ELAPOR2: variants seen among roughly 807,000 people sequenced by gnomAD.
ELAPOR2 encodes the protein endosome-lysosome associated apoptosis and autophagy regulator family member 2.
ELAPOR2 carries 89 observed loss-of-function variants against 120.7 expected under a neutral mutation model. That is an observed-to-expected ratio of 0.74 (90% CI 0.62 to 0.88). The LOEUF (loss-of-function observed/expected upper bound fraction) is 0.88, where lower values mean the gene tolerates loss of function less well. Among genes scored for constraint, ELAPOR2 ranks in the 40% least tolerant of loss-of-function variants. ELAPOR2 has a pLI of 0.00. For synonymous variants in ELAPOR2, 444 were observed against 444.9 expected, an observed-to-expected ratio of 1.00 and a Z score of 0.03; for missense variants, 1,134 against 1,251.6, an observed-to-expected ratio of 0.91 and a Z score of 1.42.
chr7:86,944,058 T>G (rs974045560), intron 4 of ELAPOR2, among the ~76,000 whole-genome samples: 5 of 152,030 alleles, frequency 3.3e-5, no homozygotes, highest in Admixed American at 2.6e-4. Context: ...AAATTCCCAT[T>G]TCCAACAATA....
chr7:86,928,367 T>C (rs774348175), intron 8 of ELAPOR2, among the ~76,000 whole-genome samples: 1 of 152,000 alleles, frequency 6.6e-6, no homozygotes, highest in Non-Finnish European at 1.5e-5. Flanking sequence ...AAATTCTGGT[T>C]TAACAAGCAT....
chr7:86,889,587 T>C (rs1325630378), intron 21 of ELAPOR2, among the ~76,000 whole-genome samples: 2 of 151,998 alleles, frequency 1.3e-5, no homozygotes, highest in Non-Finnish European at 2.9e-5. Context: ...GACAAGGCAG[T>C]ACAGTAGGAG....
intron 1 of ELAPOR2, among the ~76,000 whole-genome samples, chr7:86,992,466 T>A (rs1246268849): frequency 6.6e-6 from 1 of 152,184 alleles, no homozygotes; most frequent in Non-Finnish European, 1.5e-5. Flanking sequence ...TTTCTTAAAC[T>A]GAGTATTCCA....
intron 1 of ELAPOR2, among the ~76,000 whole-genome samples, chr7:87,011,983 CTT>C (rs1461692740): frequency 6.6e-6 from 1 of 152,060 alleles, no homozygotes; most frequent in African/African-American, 2.4e-5. Flanking sequence ...TATATTTTAA[CTT>C]GATACCATTT....
intron 2 of ELAPOR2, among the ~76,000 whole-genome samples, chr7:86,952,338 C>T (rs1438641384): frequency 1.3e-5 from 2 of 152,106 alleles, no homozygotes; most frequent in African/African-American, 4.8e-5. Flanking sequence ...ATTTAAATAA[C>T]CTGATTAAAA....
intron 2 of ELAPOR2, 34 bp from the exon 3 acceptor site, chr7:86,947,956 AC>A (rs1461269349): frequency 2.1e-6 from 3 of 1,431,152 alleles, no homozygotes; most frequent in Non-Finnish European, 2.9e-6. Flanking sequence ...CCCATTACTT[AC>A]CCTCCCATCA....
At chr7:87,012,583 T>C (rs1487082152) in intron 1 of ELAPOR2, among the ~76,000 whole-genome samples, 2 of 152,168 alleles carry the variant, frequency 1.3e-5, no homozygotes, top group African/African-American at 2.4e-5. Context: ...CAGATGTCTG[T>C]ACACAAAGTA....
intron 1 of ELAPOR2, among the ~76,000 whole-genome samples, chr7:87,041,755 A>G (rs1794795313): frequency 6.6e-6 from 1 of 151,994 alleles, no homozygotes; most frequent in African/African-American, 2.4e-5. Context: ...AAATTCACAC[A>G]TAACAATATT....
At chr7:87,015,612 C>T (rs1438502844) in intron 1 of ELAPOR2, among the ~76,000 whole-genome samples, 1 of 152,046 alleles carries the variant, frequency 6.6e-6, no homozygotes, top group Non-Finnish European at 1.5e-5. Context: ...CATGGTGAAA[C>T]CCTGCCTCTA....
chr7:86,915,070 T>C (rs922956130), intron 12 of ELAPOR2, among the ~76,000 whole-genome samples: 6 of 152,150 alleles, frequency 3.9e-5, no homozygotes, highest in Non-Finnish European at 8.8e-5. Context: ...ATCAACCACA[T>C]TGTTCATATA....
At chr7:86,939,959 C>T in intron 6 of ELAPOR2, 51 bp downstream of exon 6, 1 of 1,140,390 alleles carries the variant, frequency 8.8e-7, no homozygotes, top group East Asian at 2.5e-5. Context: ...AATATTTTAA[C>T]TAACTGTAAG....
At chr7:86,884,043 A>G (rs1799569807) in intron 21 of ELAPOR2, among the ~76,000 whole-genome samples, 1 of 152,216 alleles carries the variant, frequency 6.6e-6, no homozygotes, top group Admixed American at 6.5e-5. Context: ...TAATACAAAT[A>G]TAATAAAATT....
chr7:86,888,884 C>G (rs1799817393), intron 21 of ELAPOR2, among the ~76,000 whole-genome samples: 1 of 152,126 alleles, frequency 6.6e-6, no homozygotes, highest in Non-Finnish European at 1.5e-5. Context: ...ATGTACCCCA[C>G]AACTGTGAAT....
Position 86,915,743 on chromosome 7 carries a change from T to A in ELAPOR2, c.1594-883A>T, listed in dbSNP as rs557653967. On this transcript the variant is annotated intron_variant, in intron 12 of 21. Transcript: ENST00000450689. ...TCAAGACAAGTCTCTTTGTTTTTCA[T>A]CCTTTGATAATACAGGAATCAAACA... Among the ~76,000 whole-genome samples the A allele has an allele frequency of 5.3e-5, 8 of 150,612 alleles. No homozygotes were observed. In the East Asian group the frequency reaches 1.6e-3, roughly 29 times the overall value.
intron 21 of ELAPOR2, among the ~76,000 whole-genome samples, chr7:86,890,600 G>A (rs567770463): frequency 1.3e-5 from 2 of 152,056 alleles, no homozygotes; most frequent in South Asian, 2.1e-4. Context: ...CTATGAATAC[G>A]AAACTGTCCT....
intron 18 of ELAPOR2, among the ~76,000 whole-genome samples, chr7:86,901,603 AAT>A (rs2115954864): frequency 6.6e-6 from 1 of 152,326 alleles, no homozygotes; most frequent in Admixed American, 6.5e-5. Flanking sequence ...CCATATTGTC[AAT>A]ATGTTTCTGA....
intron 8 of ELAPOR2, 97 bp from the exon 9 acceptor site, chr7:86,927,013 C>A (rs1790103303): frequency 1.7e-6 from 2 of 1,163,914 alleles, no homozygotes; most frequent in Non-Finnish European, 1.1e-6. Flanking sequence ...CAAATGGTGA[C>A]AGAATAGAAG....
At chr7:86,945,164 C>G in intron 3 of ELAPOR2, 118 bp from the exon 4 acceptor site, 1 of 882,280 alleles carries the variant, frequency 1.1e-6, no homozygotes, top group Non-Finnish European at 1.7e-6. Flanking sequence ...CAGAAAACAC[C>G]AGAAGCTTTT....
intron 1 of ELAPOR2, among the ~76,000 whole-genome samples, chr7:87,029,152 T>C (rs1794346745): frequency 6.6e-6 from 1 of 152,206 alleles, no homozygotes; most frequent in African/African-American, 2.4e-5. Context: ...CTTTTTACCA[T>C]TTCATAATCT....
Sources: gnomAD v4.1 joint callset for allele counts (sites outside exome capture counted in the v4.1 genomes callset) on GRCh38, gnomAD v4.1.1 for gene constraint, MANE v1.5 for transcripts, NCBI Gene and HGNC (gene_info 2026-07-23, HGNC 2026-07-21) for gene names.